Variants in CLDN10 observed in about 807,000 individuals in gnomAD.
CLDN10 encodes the protein claudin-10.
CLDN10 carries 15 observed loss-of-function variants against 22.9 expected under a neutral mutation model. That is an observed-to-expected ratio of 0.65 (90% CI 0.44 to 1.01). The LOEUF is 1.01. Among genes scored for constraint, CLDN10 ranks in the 50% least tolerant of loss-of-function variants. The probability of loss-of-function intolerance (pLI) is 0.00; values close to 1 mark genes in which losing one functional copy is unlikely to be tolerated. For missense variants in CLDN10, 247 were observed against 287.8 expected (o/e 0.86, Z 1.03); for synonymous variants, 114 against 111.4 (o/e 1.02, Z -0.15).
chr13:95,563,885 C>CTA (rs1178200094), intron 3 of CLDN10, among the ~76,000 whole-genome samples: 1 of 152,208 alleles, frequency 6.6e-6, no homozygotes, highest in Non-Finnish European at 1.5e-5. Context: ...GATGAATAAG[C>CTA]TATAAATTGG....
At chr13:95,471,414 CAT>C (rs200802586) in intron 1 of CLDN10, among the ~76,000 whole-genome samples, 26 of 126,366 alleles carry the variant, frequency 2.1e-4, no homozygotes, top group African/African-American at 6.7e-4. Context: ...TACACACACA[CAT>C]ATACACACAC....
In CLDN10 at chr13:95,577,882, CTA is replaced by C. The variant is rs1566348661; in HGVS notation, c.573-16_573-15del. The C allele has an allele frequency of 1.3e-6, 2 of 1,554,880 alleles. No homozygotes were observed. The highest frequency in any genetic ancestry group is 1.1e-5 in the South Asian group (1 of 88,494). On this transcript the variant is annotated splice_polypyrimidine_tract_variant and intron_variant, in intron 4 of 4. Coordinates refer to ENST00000299339, the MANE Select transcript of CLDN10 (RefSeq NM_006984.5). ...TATGTGTAGAATAGAATCTACCAAA[CTA>C]TGTTTTACCTTTCAGATACACATAC...
chr13:95,540,122 A>T (rs935342181), intron 1 of CLDN10, among the ~76,000 whole-genome samples: 1 of 151,934 alleles, frequency 6.6e-6, no homozygotes, highest in Non-Finnish European at 1.5e-5. Context: ...CAATATGATG[A>T]AATCCCGTCT....
chr13:95,461,088 G>T (rs967579019), intron 1 of CLDN10, among the ~76,000 whole-genome samples: 1 of 152,074 alleles, frequency 6.6e-6, no homozygotes, highest in Non-Finnish European at 1.5e-5. Flanking sequence ...CTCCAGCCTG[G>T]GTGACACAGC....
upstream of CLDN10, among the ~76,000 whole-genome samples, chr13:95,551,656 T>C (rs1594606023): frequency 6.6e-6 from 1 of 152,218 alleles, no homozygotes; most frequent in Non-Finnish European, 1.5e-5. Flanking sequence ...GTTTTAGACC[T>C]TTCCTTACTT....
chr13:95,533,585 G>A (rs1279030984), intron 1 of CLDN10: 1 of 152,134 alleles, frequency 6.6e-6, no homozygotes, highest in Non-Finnish European at 1.5e-5. Context: ...ACAGGTATAA[G>A]AAGGTGGAGG....
At chr13:95,436,515 T>C (rs553646811) in intron 1 of CLDN10, among the ~76,000 whole-genome samples, 20 of 152,222 alleles carry the variant, frequency 1.3e-4, no homozygotes, top group Non-Finnish European at 2.6e-4. Flanking sequence ...ACTTTGTTTA[T>C]TGATTGTAAA....
At chr13:95,534,630 C>G (rs1446925123) in intron 1 of CLDN10, among the ~76,000 whole-genome samples, 1 of 152,026 alleles carries the variant, frequency 6.6e-6, no homozygotes, top group Non-Finnish European at 1.5e-5. Flanking sequence ...GTTATAATAA[C>G]TACTACTAGT....
chr13:95,519,201 C>T (rs1218129506), intron 1 of CLDN10, among the ~76,000 whole-genome samples: 3 of 152,190 alleles, frequency 2.0e-5, no homozygotes, highest in Non-Finnish European at 4.4e-5. Context: ...ATAGAAAACA[C>T]AGGTAACAGT....
chr13:95,572,093 G>C (rs1167242248), intron 3 of CLDN10, among the ~76,000 whole-genome samples: 1 of 151,942 alleles, frequency 6.6e-6, no homozygotes, highest in Non-Finnish European at 1.5e-5. Flanking sequence ...TCCTTTTTCA[G>C]CTCCAACATG....
At chr13:95,471,404 T>TAC (rs1334842414) in intron 1 of CLDN10, among the ~76,000 whole-genome samples, 10 of 140,398 alleles carry the variant, frequency 7.1e-5, no homozygotes, top group African/African-American at 1.9e-4. Context: ...CATGTATATA[T>TAC]ACACACACAC....
intron 1 of CLDN10, among the ~76,000 whole-genome samples, chr13:95,526,911 C>T (rs2043287568): frequency 6.6e-6 from 1 of 152,216 alleles, no homozygotes; most frequent in African/African-American, 2.4e-5. Flanking sequence ...CTCCCTTCTT[C>T]ATTTGGAACA....
At chr13:95,573,910 C>T (rs910668112) in intron 3 of CLDN10, among the ~76,000 whole-genome samples, 2 of 151,534 alleles carry the variant, frequency 1.3e-5, no homozygotes, top group Non-Finnish European at 2.9e-5. Flanking sequence ...GTGATGTTCC[C>T]CACCCTGTGT....
At chr13:95,447,888 C>T (rs1024238216) in intron 1 of CLDN10, among the ~76,000 whole-genome samples, 1 of 152,022 alleles carries the variant, frequency 6.6e-6, no homozygotes, top group African/African-American at 2.4e-5. Flanking sequence ...AGAGTGTCCT[C>T]CCCAGGAGTC....
rs117170620 is a variant in CLDN10, at chr13:95,448,337, G to A, written c.214+14290G>A. 2.4e-4 allele frequency among the ~76,000 whole-genome samples: 37 copies of A among 152,176 alleles called. 2 individuals are homozygous for A. The East Asian group carries it at 7.0e-3, about 29-fold the overall frequency. On this transcript the variant is annotated intron_variant, in intron 1 of 4. Transcript: ENST00000376873. The stretch of plus-strand genomic sequence containing the variant: ...CATACACACAGGCACACACAGATGT[G>A]CATTCACCATACAGGCAGGCACCCC...
intron 3 of CLDN10, among the ~76,000 whole-genome samples, chr13:95,561,226 A>G (rs2138660279): frequency 6.6e-6 from 1 of 152,264 alleles, no homozygotes; most frequent in South Asian, 2.1e-4. Context: ...GTGTGTGTGT[A>G]TTGCTATCAA....
chr13:95,522,716 AT>A (rs1244446841), intron 1 of CLDN10, among the ~76,000 whole-genome samples: 1 of 151,894 alleles, frequency 6.6e-6, no homozygotes, highest in East Asian at 1.9e-4. Flanking sequence ...ATTTCACTTT[AT>A]TTTTTGAGGC....
At position 95,579,103 on chromosome 13, in the gene CLDN10, G is replaced by A. The variant is rs556943219; in HGVS notation, c.*1089G>A. On this transcript the variant is annotated 3_prime_UTR_variant, in exon 5 of 5. Transcript: ENST00000299339. ...CCTACTGCTCAAGGTCATCGCCAAG[G>A]TGTGATTGGAAAAATTCAAAAAATT... 1 of 152,306 alleles carries A rather than the reference G, an allele frequency of 6.6e-6. No individual in the cohort carries two copies. The highest frequency in any genetic ancestry group is 2.4e-5 in the African/African-American group (1 of 41,550). 9.4% of individuals were successfully genotyped at this position (152,306 alleles called of 1,614,324 possible). A position where few individuals can be genotyped will look rare whatever the true frequency, so the allele number is the denominator to read the frequency against.
intron 1 of CLDN10, among the ~76,000 whole-genome samples, chr13:95,492,614 C>A (rs1424896192): frequency 6.6e-6 from 1 of 152,154 alleles, no homozygotes; most frequent in African/African-American, 2.4e-5. Context: ...AAGAAAAGGG[C>A]TTCAGTTCTT....
Sources: gnomAD v4.1 joint callset for allele counts (sites outside exome capture counted in the v4.1 genomes callset) on GRCh38, gnomAD v4.1.1 for gene constraint, MANE v1.5 for transcripts, NCBI Gene and HGNC (gene_info 2026-07-23, HGNC 2026-07-21) for gene names.